The following RPS6KA4 variants were observed in gnomAD, a reference collection of about 807,000 sequenced individuals.
RPS6KA4 encodes the protein ribosomal protein S6 kinase A4, also known as ribosomal protein S6 kinase alpha-4.
In RPS6KA4, 38 loss-of-function variants were observed where a neutral mutation model predicts 89.6. The ratio of observed to expected loss-of-function variants is 0.42; its 90% CI spans 0.33 to 0.56. RPS6KA4 has a LOEUF of 0.56. RPS6KA4 is among the 20% of genes least tolerant of loss of function. RPS6KA4 has a pLI of 0.07. For missense variants in RPS6KA4, 873 were observed against 1,098.8 expected (o/e 0.79, Z 2.90); for synonymous variants, 495 against 492.8 (o/e 1.00, Z -0.06).
At position 64,371,349 on chromosome 11, in the gene RPS6KA4, C is replaced by T; in HGVS notation, c.2188C>T (p.Arg730Trp). The change falls in exon 17 of 17, where the codon CGG becomes TGG. Residue 730 changes from arginine to tryptophan, a missense_variant. This residue lies in a region of RPS6KA4 where 278 missense variants were observed against 284.8 expected (regional missense o/e 0.98). Transcript: ENST00000334205. ...CGTGGAGAATGCACCCCTGGCCAAG[C>T]GGCGGAAGCAGAAGCTGCGGAGCGC... Reference protein sequence around the residue: ...KSVENAPLAKRRKQKLRSATA... With the variant: ...KSVENAPLAKWRKQKLRSATA... 1 of 1,612,818 alleles carries T rather than the reference C, an allele frequency of 6.2e-7. No individual in the cohort carries two copies. The highest frequency in any genetic ancestry group is 8.5e-7 in the Non-Finnish European group (1 of 1,179,916).
intron 9 of RPS6KA4, among the ~76,000 whole-genome samples, chr11:64,365,985 G>T (rs1565071241): frequency 6.6e-6 from 1 of 151,694 alleles, no homozygotes; most frequent in African/African-American, 2.4e-5. Flanking sequence ...GTTGCGGTGA[G>T]CAGAGATCAC....
rs1234553487 is a variant in RPS6KA4 at position 64,369,513 on chromosome 11, G to A, written c.1496G>A (p.Arg499Gln). 6.2e-7 allele frequency: 1 copy of A among 1,610,018 alleles called. No individual in the cohort carries two copies. Residue 499 changes from arginine (R) to glutamine (Q), a missense_variant, in exon 13 of 17, where the codon CGG becomes CAG. This residue lies in a region of RPS6KA4 where 542 missense variants were observed against 736.4 expected (regional missense o/e 0.74). Transcript: ENST00000334205. ...GELLEHIRKK[R>Q]HFSESEASQI... is the part of the protein sequence containing the mutation. ...CTGCTGGAGCACATCCGCAAGAAGC[G>A]GCACTTCAGCGAGTCGGAAGCAAGC...
chr11:64,369,771 C>T lies in RPS6KA4; in HGVS notation c.1675C>T (p.Pro559Ser), dbSNP rs565756385. Residue 559 changes from proline (P) to serine (S), a missense_variant, in exon 14 of 17, where the codon CCG becomes TCG. Around this residue, in one of 4 missense-constraint regions of RPS6KA4, gnomAD observed 542 missense variants for 736.4 expected, o/e 0.74. Transcript: ENST00000334205. Reference sequence around the variant, plus strand: ...CGACTTCGGGTTCGCGCGGTTGCGGCCGCAGAGTCCCGGGGTGCCCATGCA... The same window carrying T: ...CGACTTCGGGTTCGCGCGGTTGCGGTCGCAGAGTCCCGGGGTGCCCATGCA... ...IIDFGFARLR[P>S]QSPGVPMQTP... The T allele has an allele frequency of 2.6e-5, 42 of 1,611,340 alleles. 2 individuals carry two copies. In the South Asian group the frequency reaches 4.3e-4, roughly 16 times the overall value.
At position 64,371,680 on chromosome 11, in the gene RPS6KA4, A is replaced by AG. The variant is rs933164629; in HGVS notation, c.*207dup. ...GTCTTACCAGATAGAGTTGCAGGGA[A>AG]GGGGGGGCCTGCTGGGGAGTGGGGT... On this transcript the variant is annotated 3_prime_UTR_variant, in exon 17 of 17. Coordinates refer to ENST00000334205, the MANE Select transcript of RPS6KA4 (RefSeq NM_003942.3). 458 of 479,358 alleles carry AG rather than the reference A, an allele frequency of 9.6e-4. 1 individual carries two copies. Among genetic ancestry groups the AG allele is most frequent in the Non-Finnish European group, 1.3e-3 (364 of 270,502 alleles). The allele number at this position is 479,358 out of a possible 1,614,324, so 29.7% of individuals were successfully genotyped here.
intron 12 of RPS6KA4, 135 bp downstream of exon 12, chr11:64,368,932 C>G: frequency 1.2e-6 from 1 of 811,370 alleles, no homozygotes; most frequent in South Asian, 1.7e-5. Context: ...ACCAGGGAGG[C>G]GCAGGGAGTG....
Position 64,361,433 on chromosome 11 carries a change from G to C in RPS6KA4, c.571-36G>C. The C allele has an allele frequency of 6.2e-7, 1 of 1,611,812 alleles. No homozygotes were observed. The highest frequency in any genetic ancestry group is 1.7e-4 in the Middle Eastern group (1 of 6,012). On this transcript the variant is annotated intron_variant, in intron 5 of 16. Coordinates refer to ENST00000334205, the MANE Select transcript of RPS6KA4 (RefSeq NM_003942.3). The surrounding 1 kb of genome is among the most constrained non-coding windows in gnomAD (Gnocchi z 4.7). ...TGTGGGGCACTGGGGCACAGGAGAG[G>C]TTTCGACATCTAAGCAGGACCTCTT...
intron 8 of RPS6KA4, 33 bp from the exon 9 acceptor site, chr11:64,365,268 T>C (rs1403049255): frequency 3.7e-6 from 6 of 1,600,536 alleles, no homozygotes; most frequent in Non-Finnish European, 5.1e-6. Context: ...GTTCCTGGCC[T>C]TTGACACCTG....
Position 64,368,717 on chromosome 11 carries a change from A to G in RPS6KA4, c.1348A>G (p.Thr450Ala). ...KILSRRLEANTQREVAALRLC... is the reference protein window; with the variant it reads ...KILSRRLEANAQREVAALRLC... ...TCCGTCCCCCAGGCTGGAGGCGAAC[A>G]CGCAGCGCGAAGTGGCTGCCCTGCG... Residue 450 changes from threonine to alanine, a missense_variant, in exon 12 of 17, where the codon ACG becomes GCG. By Grantham distance (58) the Thr-to-Ala change is moderately conservative (BLOSUM62 0). Around this residue, in one of 4 missense-constraint regions of RPS6KA4, gnomAD observed 542 missense variants for 736.4 expected, o/e 0.74. Coordinates refer to ENST00000334205, the MANE Select transcript of RPS6KA4 (RefSeq NM_003942.3). The G allele has an allele frequency of 6.3e-7, 1 of 1,577,564 alleles. No individual in the cohort carries two copies. The highest frequency in any genetic ancestry group is 8.6e-7 in the Non-Finnish European group (1 of 1,162,040).
At chr11:64,366,072 C>T (rs1178196627) in intron 9 of RPS6KA4, among the ~76,000 whole-genome samples, 1 of 151,892 alleles carries the variant, frequency 6.6e-6, no homozygotes, top group African/African-American at 2.4e-5. Context: ...CACTTTCTCA[C>T]GTGGACACCT....
chr11:64,360,488 G>A lies in RPS6KA4; in HGVS notation c.358G>A (p.Gly120Ser). The A allele has an allele frequency of 3.7e-6, 6 of 1,609,844 alleles. No homozygotes were observed. Among genetic ancestry groups the A allele is most frequent in the Non-Finnish European group, 5.1e-6 (6 of 1,177,524 alleles). The change falls in exon 4 of 17, where the codon GGC (glycine) becomes AGC (serine). Residue 120 changes from glycine to serine, a missense_variant. Physicochemically the swap from Gly to Ser is moderately conservative, Grantham distance 56. This residue lies in a region of RPS6KA4 where 542 missense variants were observed against 736.4 expected (regional missense o/e 0.74). Coordinates refer to ENST00000334205, the MANE Select transcript of RPS6KA4 (RefSeq NM_003942.3). ...KLHLILDYVS[G>S]GEMFTHLYQR... The stretch of plus-strand genomic sequence containing the variant: ...ACTGCACCTCCCAGACTATGTGAGC[G>A]GCGGGGAGATGTTCACCCACCTCTA...
intron 9 of RPS6KA4, 77 bp from the exon 10 acceptor site, chr11:64,368,055 G>A (rs1025106294): frequency 1.3e-6 from 2 of 1,529,332 alleles, no homozygotes; most frequent in Admixed American, 1.8e-5. Context: ...GCCTTTGCCT[G>A]GTTCCCCACC....
chr11:64,368,092 C>CCCCATG (rs2036932759), intron 9 of RPS6KA4, 40 bp from the exon 10 acceptor site: 4 of 1,606,968 alleles, frequency 2.5e-6, no homozygotes, highest in Non-Finnish European at 1.7e-6. Flanking sequence ...CACCCCCAAC[C>CCCCATG]CCCATGCCCA....
At position 64,360,103 on chromosome 11, in the gene RPS6KA4, C is replaced by G. The variant is rs1300646430; in HGVS notation, c.128-60C>G. ...CCTGGGTTGGCATCGCCCCCACCCC[C>G]CAAGCCTGCACCAATCTCCCGCTCA... On this transcript the variant is annotated intron_variant, in intron 2 of 16. Transcript: ENST00000334205. 6 of 1,480,338 alleles carry G rather than the reference C, an allele frequency of 4.1e-6. No homozygotes were observed. In the South Asian group the frequency reaches 6.6e-5, roughly 16 times the overall value. 91.7% of individuals were successfully genotyped at this position (1,480,338 alleles called of 1,614,324 possible).
Position 64,369,393 on chromosome 11 carries a change from G to A in RPS6KA4, c.1429-53G>A, listed in dbSNP as rs543979905. 9 of 1,503,458 alleles carry A rather than the reference G, an allele frequency of 6.0e-6. No homozygotes were observed. The South Asian group carries it at 1.1e-4, about 19-fold the overall frequency. The allele number at this position is 1,503,458 out of a possible 1,614,324, so 93.1% of individuals were successfully genotyped here. A position where few individuals can be genotyped will look rare whatever the true frequency, so the allele number is the denominator to read the frequency against. ...GGGGGCGGGGCCTGGGTGGTGGGAG[G>A]GGGCTTGCCGCCGTGGGTGGGTGTT... On this transcript the variant is annotated intron_variant, in intron 12 of 16. Coordinates refer to ENST00000334205, the MANE Select transcript of RPS6KA4 (RefSeq NM_003942.3).
In RPS6KA4 at chr11:64,371,279, C is replaced by T; in HGVS notation, c.2122-4C>T. ...GGGGGCACTCACCCTTTCCTTTCTG[C>T]CAGGCATTCAACCGGGGCAAGCGGG... On this transcript the variant is annotated splice_polypyrimidine_tract_variant and splice_region_variant and intron_variant, in intron 16 of 16. Transcript: ENST00000334205. 1 of 1,612,426 alleles carries T rather than the reference C, an allele frequency of 6.2e-7. No individual in the cohort carries two copies. The highest frequency in any genetic ancestry group is 8.5e-7 in the Non-Finnish European group (1 of 1,179,672).
At chr11:64,362,978 C>A (rs933099797) in intron 8 of RPS6KA4, among the ~76,000 whole-genome samples, 12 of 152,288 alleles carry the variant, frequency 7.9e-5, no homozygotes, top group Non-Finnish European at 1.2e-4. Context: ...GCCACAACCA[C>A]CTTGATTTTT....
intron 8 of RPS6KA4, among the ~76,000 whole-genome samples, chr11:64,363,995 T>C (rs1429771051): frequency 5.3e-5 from 8 of 152,224 alleles, no homozygotes; most frequent in Admixed American, 1.3e-4. Context: ...GGTTTACTTA[T>C]AAGTAAACCT....
At chr11:64,365,502 A>T in intron 9 of RPS6KA4, 37 bp downstream of exon 9, 5 of 1,610,360 alleles carry the variant, frequency 3.1e-6, no homozygotes, top group Non-Finnish European at 4.2e-6. Flanking sequence ...TGCAGGAGAG[A>T]TGAGATGTTG....
chr11:64,368,357 A>T (rs2036942494), intron 10 of RPS6KA4, 97 bp downstream of exon 10: 14 of 1,546,932 alleles, frequency 9.1e-6, no homozygotes, highest in Non-Finnish European at 1.2e-5. Flanking sequence ...CCGCAGCGTG[A>T]GCTCAGCAAG....
Sources: allele counts gnomAD v4.1 joint callset (sites outside exome capture counted in the v4.1 genomes callset), GRCh38; gene constraint gnomAD v4.1.1; regional missense constraint gnomAD v4.1.1; non-coding constraint Gnocchi (gnomAD v3.1); transcripts MANE v1.5; gene names NCBI Gene and HGNC (gene_info 2026-07-23, HGNC 2026-07-21).